MUC4: variants seen among roughly 807,000 people sequenced by gnomAD.
MUC4 encodes the protein mucin 4, cell surface associated.
MUC4 carries 202 observed loss-of-function variants against 257.9 expected under a neutral mutation model. That is an observed-to-expected ratio of 0.78 (90% CI 0.70 to 0.88). MUC4 has a LOEUF of 0.88. Among genes scored for constraint, MUC4 ranks in the 40% least tolerant of loss-of-function variants. MUC4 has a pLI of 0.00. For synonymous variants in MUC4, 2,351 were observed against 2,757.1 expected, an observed-to-expected ratio of 0.85 and a Z score of 4.62; for missense variants, 5,976 against 6,513.7, an observed-to-expected ratio of 0.92 and a Z score of 2.84.
rs756030601 is a variant in MUC4 at position 195,789,934 on chromosome 3, G to A, written c.1646C>T (p.Ser549Phe). The A allele has an allele frequency of 8.7e-6, 14 of 1,613,990 alleles. No individual in the cohort carries two copies. The highest frequency in any genetic ancestry group is 1.3e-5 in the African/African-American group (1 of 75,036). ...IGEPGEPTTY[S>F]SHSTTLPKTT... ...TTTTGGGAGAGTTGTGCTGTGGGAG[G>A]AGTATGTGGTGGGCTCTCCTGGTTC... is the stretch of plus-strand genomic sequence containing the variant. Residue 549 changes from serine to phenylalanine, a missense_variant, in exon 2 of 25, where the codon TCC (serine) becomes TTC (phenylalanine). Physicochemically the swap from Ser to Phe is radical, Grantham distance 155. Transcript: ENST00000463781.
chr3:195,753,451 G>A (rs975368431), intron 19 of MUC4: 39 of 559,608 alleles, frequency 7.0e-5, no homozygotes, highest in South Asian at 5.9e-4. Flanking sequence ...GGAGGGACTG[G>A]AGTGTTTCTC....
At chr3:195,767,837 ACCACCACCATCG>A (rs1248199525) in intron 7 of MUC4, among the ~76,000 whole-genome samples, 2 of 134,300 alleles carry the variant, frequency 1.5e-5, no homozygotes, top group African/African-American at 6.0e-5. Context: ...CACCATCACC[ACCACCACCATCG>A]CCACCATCAC....
At chr3:195,767,555 TTACCATTGCCAC>T (rs1310049664) in intron 7 of MUC4, among the ~76,000 whole-genome samples, 2 of 53,118 alleles carry the variant, frequency 3.8e-5, no homozygotes, top group Admixed American at 1.8e-4. Context: ...ACCATCACCA[TTACCATTGCCAC>T]CACCATCACC....
In MUC4 at chr3:195,778,899, G is replaced by C. The variant is rs748836493; in HGVS notation, c.12681C>G (p.Val4227=). ...ASTGHATPLP[V]TSLSSVSTGH... ...CTGTGGATACTGAGGAAAGGCTGGT[G>C]ACAGGAAGAGGGGTGGCGTGACCTG... The change falls in exon 2 of 25, where the codon GTC becomes GTG. Residue 4227 remains valine, a synonymous_variant. Coordinates refer to ENST00000463781, the MANE Select transcript of MUC4 (RefSeq NM_018406.7). The C allele has an allele frequency of 4.5e-6, 7 of 1,569,596 alleles. No homozygotes were observed. In the African/African-American group the frequency reaches 7.0e-5, roughly 16 times the overall value.
chr3:195,789,316 C>A lies in MUC4; in HGVS notation c.2264G>T (p.Trp755Leu), dbSNP rs1733549123. ...TGAGGTGCTGGCAGAGGCTGATGTC[C>A]ATTGTCCTTCTGGGCCCCCTGGTGT... ...VSTPGGPEGQWTSASASTSPD... is the reference protein window; with the variant it reads ...VSTPGGPEGQLTSASASTSPD... The change falls in exon 2 of 25, where the codon TGG (tryptophan) becomes TTG (leucine). Residue 755 changes from tryptophan (W) to leucine (L), a missense_variant. Physicochemically the swap from Trp to Leu is moderately conservative, Grantham distance 61. Coordinates refer to ENST00000463781, the MANE Select transcript of MUC4 (RefSeq NM_018406.7). 1 of 1,613,736 alleles carries A rather than the reference C, an allele frequency of 6.2e-7. No individual in the cohort carries two copies. The highest frequency in any genetic ancestry group is 8.5e-7 in the Non-Finnish European group (1 of 1,179,860).
chr3:195,806,935 T>G (rs1445558540), intron 1 of MUC4, among the ~76,000 whole-genome samples: 1 of 152,216 alleles, frequency 6.6e-6, no homozygotes, highest in Non-Finnish European at 1.5e-5. Flanking sequence ...CAAAATCCAC[T>G]GGCCACTGGA....
chr3:195,758,741 T>C (rs1345449689), intron 17 of MUC4, among the ~76,000 whole-genome samples: 1 of 108,964 alleles, frequency 9.2e-6, no homozygotes, highest in Non-Finnish European at 2.1e-5. Flanking sequence ...TTTTTTTTTT[T>C]TGTATTTTTA....
intron 21 of MUC4, 137 bp from the exon 22 acceptor site, chr3:195,751,408 G>T: frequency 1.4e-6 from 1 of 699,760 alleles, no homozygotes. Context: ...TTCCTCACCT[G>T]TCTCTGCACC....
In MUC4 at chr3:195,781,747, G is replaced by C. The variant is rs1467884833; in HGVS notation, c.9833C>G (p.Thr3278Ser). The change falls in exon 2 of 25, where the codon ACC becomes AGC. Residue 3278 changes from threonine to serine, a missense_variant. Physicochemically the swap from Thr to Ser is moderately conservative, Grantham distance 58. Around this residue, in one of 44 missense-constraint regions of MUC4, gnomAD observed 51 missense variants for 66.9 expected, o/e 0.76. Transcript: ENST00000463781. ...AGTGTCGGTGACAGGAAGAGAGGTG[G>C]TGTCACCTGTGTATGCTGAGGAAGT... The part of the protein sequence containing the change: ...TDTSSAYTGD[T>S]TSLPVTDTSS... 1.4e-6 allele frequency: 2 copies of C among 1,458,844 alleles called. No homozygotes were observed. The highest frequency in any genetic ancestry group is 9.1e-7 in the Non-Finnish European group (1 of 1,096,528). 90.4% of individuals were successfully genotyped at this position (1,458,844 alleles called of 1,614,324 possible).
At position 195,751,082 on chromosome 3, in the gene MUC4, G is replaced by A. The variant is rs887551503; in HGVS notation, c.15678C>T (p.Pro5226=). The A allele has an allele frequency of 1.9e-6, 3 of 1,612,738 alleles. No homozygotes were observed. Among genetic ancestry groups the A allele is most frequent in the Non-Finnish European group, 8.5e-7 (1 of 1,179,838 alleles). ...CCGAGATGACCATCCAGTGTTGGATGGGGCTTCCCGAGGCCGGTGCTGCAG... is the reference window on the plus strand; with the variant it reads ...CCGAGATGACCATCCAGTGTTGGATAGGGCTTCCCGAGGCCGGTGCTGCAG... The part of the protein sequence containing the change: ...IDSAAPASGS[P]IQHWMVISEF... The change falls in exon 23 of 25, where the codon CCC becomes CCT. Residue 5226 remains proline (P), a synonymous_variant. Transcript: ENST00000463781.
chr3:195,775,246 G>T (rs1724109781), intron 3 of MUC4, among the ~76,000 whole-genome samples: 1 of 151,980 alleles, frequency 6.6e-6, no homozygotes, highest in Non-Finnish European at 1.5e-5. Context: ...CCTGGCTCCC[G>T]TTGCCTACAG....
In MUC4 at chr3:195,778,399, G is replaced by C. The variant is rs557931549; in HGVS notation, c.12847C>G (p.Pro4283Ala). 1 of 1,613,252 alleles carries C rather than the reference G, an allele frequency of 6.2e-7. No homozygotes were observed. Among genetic ancestry groups the C allele is most frequent in the Non-Finnish European group, 8.5e-7 (1 of 1,179,910 alleles). The part of the protein sequence containing the change: ...DGGRRTATSP[P>A]PTTSQTIIST... The stretch of plus-strand genomic sequence containing the variant: ...ATGATGGTCTGGGAGGTTGTGGGGG[G>C]TGGTGATGTGGCTGTGCGTCTCCCA... Residue 4283 changes from proline to alanine, a missense_variant, in exon 3 of 25, where the codon CCC (proline) becomes GCC (alanine). Pro to Ala is a conservative substitution (Grantham distance 27, BLOSUM62 -1). Coordinates refer to ENST00000463781, the MANE Select transcript of MUC4 (RefSeq NM_018406.7).
At position 195,788,160 on chromosome 3, in the gene MUC4, G is replaced by C; in HGVS notation, c.3420C>G (p.Thr1140=). Reference sequence around the variant, plus strand: ...GACCTGTGGATACTGAGGAAGTGTCGGTGACAGGAAGAGAGGTGGCGTGAC... The same window carrying C: ...GACCTGTGGATACTGAGGAAGTGTCCGTGACAGGAAGAGAGGTGGCGTGAC... ...STGHATSLPV[T]DTSSVSTGHT... The change falls in exon 2 of 25, where the codon ACC becomes ACG. Residue 1140 remains threonine (T), a synonymous_variant. Coordinates refer to ENST00000463781, the MANE Select transcript of MUC4 (RefSeq NM_018406.7). The C allele has an allele frequency of 2.7e-6, 2 of 753,764 alleles. No homozygotes were observed. The highest frequency in any genetic ancestry group is 3.8e-5 in the South Asian group (2 of 52,586). The allele number at this position is 753,764 out of a possible 1,614,324, so 46.7% of individuals were successfully genotyped here.
At position 195,789,494 on chromosome 3, in the gene MUC4, C is replaced by CA. The variant is rs762958304; in HGVS notation, c.2085dup (p.Ala696CysfsTer26). ...TGACCATCCCCGGTGGGAGCTGGGGCAAAGGTTGTTGCTGCACTTATGGTG... is the reference window on the plus strand; with the variant it reads ...TGACCATCCCCGGTGGGAGCTGGGGCAAAAGGTTGTTGCTGCACTTATGGTG... On this transcript the variant is annotated frameshift_variant, in exon 2 of 25. Transcript: ENST00000463781. LOFTEE classifies it high-confidence loss of function. The CA allele has an allele frequency of 6.2e-6, 10 of 1,613,894 alleles. No homozygotes were observed. The highest frequency in any genetic ancestry group is 8.5e-6 in the Non-Finnish European group (10 of 1,179,870).
chr3:195,769,190 A>G (rs757676302), intron 6 of MUC4, 38 bp from the exon 7 acceptor site: 4 of 1,610,886 alleles, frequency 2.5e-6, no homozygotes, highest in African/African-American at 1.3e-5. Flanking sequence ...GATGCCCGTG[A>G]GAGATCCGGG....
At chr3:195,796,375 G>A (rs929578172) in intron 1 of MUC4, among the ~76,000 whole-genome samples, 13 of 152,072 alleles carry the variant, frequency 8.5e-5, no homozygotes, top group African/African-American at 2.9e-4. Flanking sequence ...GAGCCACCTC[G>A]CCCGGCCACT....
chr3:195,761,629 G>A, intron 14 of MUC4, 44 bp from the exon 15 acceptor site: 3 of 1,477,222 alleles, frequency 2.0e-6, no homozygotes, highest in Non-Finnish European at 2.8e-6. Context: ...GCACGCGGCT[G>A]TCCCCTTCCT....
chr3:195,808,893 C>A (rs763795827), intron 1 of MUC4, among the ~76,000 whole-genome samples: 2 of 152,108 alleles, frequency 1.3e-5, no homozygotes, highest in Non-Finnish European at 2.9e-5. Context: ...ACAGATAGAC[C>A]GGGGGTTCTC....
chr3:195,762,715 C>T, intron 13 of MUC4, 140 bp downstream of exon 13: 1 of 564,074 alleles, frequency 1.8e-6, no homozygotes, highest in South Asian at 4.0e-5. Context: ...CTCGGCGCGG[C>T]ACCGCCACGC....
Sources: allele counts gnomAD v4.1 joint callset (sites outside exome capture counted in the v4.1 genomes callset), GRCh38; gene constraint gnomAD v4.1.1; regional missense constraint gnomAD v4.1.1; transcripts MANE v1.5; gene names NCBI Gene and HGNC (gene_info 2026-07-23, HGNC 2026-07-21).